Variants in NHEJ1 observed in about 807,000 individuals in gnomAD.
The protein encoded by NHEJ1 is non-homologous end joining factor 1, also known as non-homologous end-joining factor 1.
Under a neutral mutation model 39.4 loss-of-function variants are expected in NHEJ1, and 22 were observed. The observed-to-expected ratio is 0.56, with a 90% CI of 0.40 to 0.80. The LOEUF (loss-of-function observed/expected upper bound fraction) is 0.80, where lower values mean the gene tolerates loss of function less well. Ranked by LOEUF, NHEJ1 falls within the 30% of genes least tolerant of loss-of-function variation. The pLI is 0.00. For missense variants in NHEJ1, 329 were observed against 357.1 expected (o/e 0.92, Z 0.63); for synonymous variants, 154 against 135.6 (o/e 1.14, Z -0.94).
chr2:219,143,818 G>A (rs907820819), intron 5 of NHEJ1, among the ~76,000 whole-genome samples: 2 of 152,106 alleles, frequency 1.3e-5, no homozygotes, highest in Non-Finnish European at 2.9e-5. Context: ...TGAAAACGAT[G>A]AGCCTCTAAT....
chr2:219,117,064 T>G (rs1018731556), intron 5 of NHEJ1, among the ~76,000 whole-genome samples: 6 of 152,038 alleles, frequency 3.9e-5, no homozygotes, highest in Non-Finnish European at 8.8e-5. Flanking sequence ...AGTTAATTCC[T>G]AACCTCGGCT....
chr2:219,113,684 C>T (rs2106340744), intron 5 of NHEJ1, among the ~76,000 whole-genome samples: 1 of 152,200 alleles, frequency 6.6e-6, no homozygotes, highest in South Asian at 2.1e-4. Flanking sequence ...CTTCGTGTCA[C>T]CTTCTATAAA....
chr2:219,103,992 T>A (rs1949290877), intron 5 of NHEJ1, among the ~76,000 whole-genome samples: 1 of 152,246 alleles, frequency 6.6e-6, no homozygotes, highest in African/African-American at 2.4e-5. Flanking sequence ...TCTGTATGAA[T>A]AATGTTATGA....
At chr2:219,119,233 A>G (rs900244201) in intron 5 of NHEJ1, among the ~76,000 whole-genome samples, 3 of 152,368 alleles carry the variant, frequency 2.0e-5, no homozygotes, top group South Asian at 4.1e-4. Flanking sequence ...GTATTTCAAG[A>G]TGGAAATCTG....
chr2:219,096,250 G>C (rs1038637312), intron 5 of NHEJ1, among the ~76,000 whole-genome samples: 1 of 152,214 alleles, frequency 6.6e-6, no homozygotes, highest in Non-Finnish European at 1.5e-5. Flanking sequence ...AGGAGAAAAA[G>C]AGTTGGCAAT....
At chr2:219,123,960 T>C (rs894223551) in intron 5 of NHEJ1, among the ~76,000 whole-genome samples, 3 of 152,304 alleles carry the variant, frequency 2.0e-5, no homozygotes, top group Non-Finnish European at 2.9e-5. Flanking sequence ...AAAGTATTTA[T>C]AGAATCCTGG....
At chr2:219,159,372 C>T (rs1047877545) in intron 1 of NHEJ1, 4 of 151,366 alleles carry the variant, frequency 2.6e-5, no homozygotes, top group African/African-American at 9.7e-5. Flanking sequence ...CTTCATTATT[C>T]CAGTCTACAA....
At chr2:219,116,632 C>T (rs1949419416) in intron 5 of NHEJ1, among the ~76,000 whole-genome samples, 1 of 152,164 alleles carries the variant, frequency 6.6e-6, no homozygotes, top group Non-Finnish European at 1.5e-5. Flanking sequence ...ACTGGGATTA[C>T]AGGTGTAAGC....
At chr2:219,085,136 G>T (rs1949100241) in intron 5 of NHEJ1, among the ~76,000 whole-genome samples, 2 of 152,232 alleles carry the variant, frequency 1.3e-5, no homozygotes, top group Admixed American at 1.3e-4. Flanking sequence ...ATAGCTAACA[G>T]TCAAATGGTT....
intron 5 of NHEJ1, among the ~76,000 whole-genome samples, chr2:219,079,131 TA>T (rs1179743366): frequency 2.0e-5 from 3 of 152,164 alleles, no homozygotes; most frequent in African/African-American, 7.2e-5. Flanking sequence ...TGCGTTGAGG[TA>T]ATGGCTGAAG....
intron 3 of NHEJ1, among the ~76,000 whole-genome samples, chr2:219,149,654 A>C (rs1345630807): frequency 1.3e-5 from 2 of 152,346 alleles, no homozygotes; most frequent in South Asian, 2.1e-4. Flanking sequence ...TTAATAATCT[A>C]TCTGTGACTA....
At chr2:219,136,373 C>T (rs775581783) in intron 5 of NHEJ1, among the ~76,000 whole-genome samples, 1 of 150,786 alleles carries the variant, frequency 6.6e-6, no homozygotes, top group Non-Finnish European at 1.5e-5. Flanking sequence ...ACTGCAACCT[C>T]AGCCTCCAGA....
At chr2:219,154,444 GT>G (rs1949830182) in intron 3 of NHEJ1, among the ~76,000 whole-genome samples, 1 of 152,132 alleles carries the variant, frequency 6.6e-6, no homozygotes, top group Non-Finnish European at 1.5e-5. Flanking sequence ...CTTAAATGCT[GT>G]TTGAAATGTT....
intron 5 of NHEJ1, among the ~76,000 whole-genome samples, chr2:219,129,103 T>C (rs1574729461): frequency 6.6e-6 from 1 of 152,186 alleles, no homozygotes; most frequent in Admixed American, 6.5e-5. Flanking sequence ...AGAAGAACAA[T>C]ATTTGAGGCT....
chr2:219,099,389 C>A (rs1479865313), intron 5 of NHEJ1, among the ~76,000 whole-genome samples: 5 of 152,152 alleles, frequency 3.3e-5, no homozygotes, highest in Non-Finnish European at 7.3e-5. Context: ...TCTCTGTGGG[C>A]AAAACCTCCC....
chr2:219,157,434 G>C, intron 3 of NHEJ1, 38 bp downstream of exon 3: 1 of 1,559,920 alleles, frequency 6.4e-7, no homozygotes. Flanking sequence ...AAAGCAACTG[G>C]CATCCCTCCC....
chr2:219,108,424 T>C (rs1290982486), intron 5 of NHEJ1, among the ~76,000 whole-genome samples: 1 of 152,204 alleles, frequency 6.6e-6, no homozygotes, highest in African/African-American at 2.4e-5. Flanking sequence ...AGAGCCTATG[T>C]CTTTGAGCAA....
intron 5 of NHEJ1, among the ~76,000 whole-genome samples, chr2:219,141,156 G>A (rs1949687507): frequency 6.6e-6 from 1 of 152,190 alleles, no homozygotes; most frequent in South Asian, 2.1e-4. Context: ...AAGGCAGGTG[G>A]ATCACCTGAG....
chr2:219,104,895 C>T (rs1009426607), intron 5 of NHEJ1, among the ~76,000 whole-genome samples: 1 of 152,180 alleles, frequency 6.6e-6, no homozygotes, highest in Non-Finnish European at 1.5e-5. Context: ...GGAAGAAAGG[C>T]TTAACTTGAC....
Sources: gnomAD v4.1 joint callset for allele counts (sites outside exome capture counted in the v4.1 genomes callset) on GRCh38, gnomAD v4.1.1 for gene constraint, MANE v1.5 for transcripts, NCBI Gene and HGNC (gene_info 2026-07-23, HGNC 2026-07-21) for gene names.